Variants in COL25A1 observed in about 807,000 individuals in gnomAD.
The protein encoded by COL25A1 is collagen alpha-1(XXV) chain.
Under a neutral mutation model 128.4 loss-of-function variants are expected in COL25A1, and 103 were observed. That is an observed-to-expected ratio of 0.80 (90% confidence interval 0.68 to 0.94). The LOEUF (loss-of-function observed/expected upper bound fraction) is 0.94. Ranked by LOEUF, COL25A1 falls within the 40% of genes least tolerant of loss-of-function variation. The pLI is 0.00. For missense variants in COL25A1, 745 were observed against 840.0 expected, an observed-to-expected ratio of 0.89 and a Z score of 1.40; for synonymous variants, 279 against 277.2, an observed-to-expected ratio of 1.01 and a Z score of -0.06.
chr4:109,202,777 A>G (rs959951089), intron 3 of COL25A1, among the ~76,000 whole-genome samples: 1 of 152,178 alleles, frequency 6.6e-6, no homozygotes, highest in Non-Finnish European at 1.5e-5. Flanking sequence ...TATTTTATAT[A>G]TGTGTGTATA....
chr4:109,262,328 A>C (rs1449427757), intron 3 of COL25A1, among the ~76,000 whole-genome samples: 1 of 152,072 alleles, frequency 6.6e-6, no homozygotes, highest in Non-Finnish European at 1.5e-5. Context: ...AGCCTGGCCA[A>C]CATGGCAAAA....
intron 8 of COL25A1, among the ~76,000 whole-genome samples, chr4:108,965,806 A>T (rs892068956): frequency 1.3e-5 from 2 of 152,206 alleles, no homozygotes; most frequent in African/African-American, 4.8e-5. Context: ...TGTTACTGAT[A>T]AAGAAATGAA....
At chr4:109,181,942 C>A (rs1215726406) in intron 3 of COL25A1, among the ~76,000 whole-genome samples, 1 of 152,056 alleles carries the variant, frequency 6.6e-6, no homozygotes, top group Non-Finnish European at 1.5e-5. Flanking sequence ...TAAGTGAGAT[C>A]ACAAGGTATT....
At chr4:109,255,465 C>T (rs1338038012) in intron 3 of COL25A1, among the ~76,000 whole-genome samples, 1 of 152,078 alleles carries the variant, frequency 6.6e-6, no homozygotes, top group Non-Finnish European at 1.5e-5. Context: ...CATGGGTCTC[C>T]CCTATGTGGA....
chr4:108,856,641 T>C (rs1482074989), intron 24 of COL25A1, among the ~76,000 whole-genome samples: 1 of 152,128 alleles, frequency 6.6e-6, no homozygotes, highest in African/African-American at 2.4e-5. Flanking sequence ...TGGCAAATAG[T>C]TGCCTCACAA....
chr4:108,913,283 T>TTTTTTTTTTTTTTAA (rs1744470434), intron 13 of COL25A1, among the ~76,000 whole-genome samples: 1 of 146,542 alleles, frequency 6.8e-6, no homozygotes, highest in Admixed American at 6.9e-5. Flanking sequence ...TTTTTTTTTT[T>TTTTTTTTTTTTTTAA]AAGACGGAGT....
Position 108,848,791 on chromosome 4 carries a change from AT to A in COL25A1, c.1401del (p.Ser468LeufsTer25). 6.2e-7 allele frequency: 1 copy of A among 1,606,114 alleles called. No homozygotes were observed. The highest frequency in any genetic ancestry group is 8.5e-7 in the Non-Finnish European group (1 of 1,172,996). On this transcript the variant is annotated frameshift_variant, in exon 27 of 38. Coordinates refer to ENST00000399132, the MANE Select transcript of COL25A1 (RefSeq NM_198721.4). LOFTEE classifies it high-confidence loss of function. ...CCATCCATTCCTGGGATTCCTGGAG[AT>A]CCCTGCTCTCCCTATTAAGATAAAA... ...QGLQGPKGEQ[G>X]SPGIPGMDGE... is the part of the protein sequence containing the mutation.
At chr4:109,113,409 A>C (rs1476048496) in intron 3 of COL25A1, among the ~76,000 whole-genome samples, 2 of 125,438 alleles carry the variant, frequency 1.6e-5, no homozygotes, top group Non-Finnish European at 3.9e-5. Flanking sequence ...TTGATGGCTT[A>C]ACATATATGG....
At chr4:108,875,647 AGT>A (rs1739356527) in intron 19 of COL25A1, among the ~76,000 whole-genome samples, 1 of 152,222 alleles carries the variant, frequency 6.6e-6, no homozygotes, top group Non-Finnish European at 1.5e-5. Context: ...TGTGGAAGAC[AGT>A]GTGGCGACTC....
At chr4:109,288,487 C>T (rs1430412199) in intron 3 of COL25A1, among the ~76,000 whole-genome samples, 1 of 152,010 alleles carries the variant, frequency 6.6e-6, no homozygotes, top group Non-Finnish European at 1.5e-5. Context: ...TGTTATCTTA[C>T]TTTTCTGGTT....
chr4:108,868,149 A>C (rs903638972), intron 20 of COL25A1, among the ~76,000 whole-genome samples: 4 of 152,286 alleles, frequency 2.6e-5, no homozygotes, highest in African/African-American at 9.6e-5. Context: ...GGAGTTAATG[A>C]GTTCTATCTC....
chr4:108,913,288 C>T (rs976097051), intron 13 of COL25A1, among the ~76,000 whole-genome samples: 17 of 44,742 alleles, frequency 3.8e-4, no homozygotes, highest in Middle Eastern at 0.02. Context: ...TTTTTTAAGA[C>T]GGAGTTTTGC....
intron 11 of COL25A1, among the ~76,000 whole-genome samples, chr4:108,921,401 T>TTCTG (rs1560867096): frequency 6.6e-6 from 1 of 151,614 alleles, no homozygotes; most frequent in Admixed American, 6.6e-5. Flanking sequence ...ATAGCTATAT[T>TTCTG]TCTATTTTTA....
chr4:109,042,810 T>A (rs1414995102), intron 5 of COL25A1, among the ~76,000 whole-genome samples: 1 of 152,140 alleles, frequency 6.6e-6, no homozygotes, highest in Non-Finnish European at 1.5e-5. Flanking sequence ...GATTTGCTTC[T>A]GTTAAATGAT....
Position 108,852,921 on chromosome 4 carries a change from A to T in COL25A1, c.1325T>A (p.Ile442Asn). 1 of 1,611,038 alleles carries T rather than the reference A, an allele frequency of 6.2e-7. No individual in the cohort carries two copies. Among genetic ancestry groups the T allele is most frequent in the Non-Finnish European group, 8.5e-7 (1 of 1,178,496 alleles). Residue 442 changes from isoleucine (I) to asparagine (N), a missense_variant, in exon 25 of 38, where the codon ATT becomes AAT. Around this residue, in one of 3 missense-constraint regions of COL25A1, gnomAD observed 387 missense variants for 441.9 expected, o/e 0.88. Transcript: ENST00000399132. ...AGTTACCGTGACAGTTAAGGTGGTA[A>T]TCCTCTGTTGGGAAAATGTGTTGAC... ...NGNLHEALQR[I>N]TTLTVTGPPG...
chr4:109,056,546 C>T (rs1446749999), intron 3 of COL25A1, among the ~76,000 whole-genome samples: 3 of 151,150 alleles, frequency 2.0e-5, no homozygotes, highest in African/African-American at 7.3e-5. Flanking sequence ...GCTAATTCCA[C>T]ATAAAATTTA....
chr4:109,279,116 G>T (rs1423591645), intron 3 of COL25A1, among the ~76,000 whole-genome samples: 1 of 151,920 alleles, frequency 6.6e-6, no homozygotes, highest in African/African-American at 2.4e-5. Flanking sequence ...TTTTGGGCGG[G>T]GGGATGGGGG....
intron 6 of COL25A1, among the ~76,000 whole-genome samples, chr4:109,005,606 A>G (rs1755888556): frequency 6.6e-6 from 1 of 152,208 alleles, no homozygotes; most frequent in Non-Finnish European, 1.5e-5. Context: ...GTAGACCATT[A>G]TTAGTAATAG....
intron 6 of COL25A1, among the ~76,000 whole-genome samples, chr4:108,979,946 A>G (rs2345005): frequency 0.84 from 127,770 of 152,134 alleles, 54,123 homozygotes; most frequent in East Asian, 1. Flanking sequence ...AGGCGATGGA[A>G]GATGGAGGGA....
Sources: allele counts gnomAD v4.1 joint callset (sites outside exome capture counted in the v4.1 genomes callset), GRCh38; gene constraint gnomAD v4.1.1; regional missense constraint gnomAD v4.1.1; transcripts MANE v1.5; gene names NCBI Gene and HGNC (gene_info 2026-07-23, HGNC 2026-07-21).